PRKN: variants seen among roughly 807,000 people sequenced by gnomAD.
PRKN encodes the protein E3 ubiquitin-protein ligase parkin.
In PRKN, 56 loss-of-function variants were observed where a neutral mutation model predicts 59.5. That is an observed-to-expected ratio of 0.94 (90% CI 0.76 to 1.18). PRKN has a LOEUF of 1.18. Among genes scored for constraint, PRKN ranks in the 50% most tolerant of loss-of-function variants. The probability of loss-of-function intolerance (pLI) is 0.00; values close to 1 mark genes in which losing one functional copy is unlikely to be tolerated. For missense variants in PRKN, 657 were observed against 596.4 expected (o/e 1.10, Z -1.06); for synonymous variants, 250 against 222.1 (o/e 1.13, Z -1.12).
intron 2 of PRKN, among the ~76,000 whole-genome samples, chr6:162,414,423 A>G (rs910563234): frequency 1.3e-5 from 2 of 151,884 alleles, no homozygotes. Context: ...AAAGTAGTGA[A>G]TCTGCCGGGC....
intron 2 of PRKN, among the ~76,000 whole-genome samples, chr6:162,309,918 T>C (rs1163762246): frequency 6.6e-6 from 1 of 152,156 alleles, no homozygotes; most frequent in Non-Finnish European, 1.5e-5. Context: ...TGTATTCATG[T>C]GTTCTCATGA....
chr6:162,683,946 CTTTA>C (rs1207856906), intron 1 of PRKN, among the ~76,000 whole-genome samples: 1 of 152,022 alleles, frequency 6.6e-6, no homozygotes, highest in Non-Finnish European at 1.5e-5. Context: ...GTACACCTTT[CTTTA>C]TTTGAGAAAG....
chr6:162,599,458 T>C (rs78556811), intron 1 of PRKN, among the ~76,000 whole-genome samples: 4,123 of 151,962 alleles, frequency 0.027, 194 homozygotes, highest in African/African-American at 0.096. Flanking sequence ...GGGGTTCAAA[T>C]TGACATACTT....
chr6:162,314,484 G>T (rs1027692891), intron 2 of PRKN, among the ~76,000 whole-genome samples: 7 of 152,018 alleles, frequency 4.6e-5, no homozygotes, highest in Non-Finnish European at 8.8e-5. Context: ...TTAAACAGAT[G>T]CCTTAACATT....
intron 4 of PRKN, among the ~76,000 whole-genome samples, chr6:162,099,711 T>C (rs921611896): frequency 6.6e-6 from 1 of 152,248 alleles, no homozygotes; most frequent in Admixed American, 6.5e-5. Flanking sequence ...TATGTATGTG[T>C]TGTGGAACAG....
intron 1 of PRKN, among the ~76,000 whole-genome samples, chr6:162,473,924 T>C (rs1004676082): frequency 8.5e-5 from 13 of 152,198 alleles, no homozygotes; most frequent in African/African-American, 2.9e-4. Context: ...AGGTTAGCCT[T>C]TCTTTTACAA....
intron 1 of PRKN, among the ~76,000 whole-genome samples, chr6:162,549,805 A>G (rs903738555): frequency 6.6e-6 from 1 of 152,038 alleles, no homozygotes; most frequent in African/African-American, 2.4e-5. Flanking sequence ...TGCCTGGCTA[A>G]TTTTTGTACT....
At chr6:162,691,257 C>T (rs575408144) in intron 1 of PRKN, among the ~76,000 whole-genome samples, 13 of 152,004 alleles carry the variant, frequency 8.6e-5, no homozygotes, top group African/African-American at 2.7e-4. Context: ...AAAGTAAACA[C>T]ATTTTTTCAA....
chr6:161,524,191 C>A (rs377493061), intron 9 of PRKN, among the ~76,000 whole-genome samples: 1 of 152,234 alleles, frequency 6.6e-6, no homozygotes, highest in East Asian at 1.9e-4. Flanking sequence ...AGATCGTGGA[C>A]TCCCTGAGCA....
intron 7 of PRKN, among the ~76,000 whole-genome samples, chr6:161,775,904 T>C (rs573850265): frequency 6.6e-5 from 10 of 151,966 alleles, no homozygotes; most frequent in Admixed American, 1.3e-4. Flanking sequence ...GCTGAGATAA[T>C]AGATGGAAAG....
chr6:161,399,434 G>A lies in PRKN; in HGVS notation c.1084-12557C>T, dbSNP rs1331325166. On this transcript the variant is annotated intron_variant, in intron 9 of 11. Coordinates refer to ENST00000366898, the MANE Select transcript of PRKN (RefSeq NM_004562.3). This position sits in a 1 kb window ranked among gnomAD's most constrained non-coding sequence, Gnocchi z 4.4. ...GTAACACACAGCTAACTGGGCTTTG[G>A]GAGTCACAGGCACCCATCCCTAGAC... 6.6e-6 allele frequency among the ~76,000 whole-genome samples: 1 copy of A among 152,198 alleles called. No homozygotes were observed. The highest frequency in any genetic ancestry group is 1.5e-5 in the Non-Finnish European group (1 of 68,034).
intron 3 of PRKN, among the ~76,000 whole-genome samples, chr6:162,240,706 G>T (rs1778949277): frequency 6.6e-6 from 1 of 152,174 alleles, no homozygotes; most frequent in Admixed American, 6.5e-5. Flanking sequence ...CTGTATAATT[G>T]CGTCCAAATC....
intron 3 of PRKN, among the ~76,000 whole-genome samples, chr6:162,244,174 C>T (rs1779107235): frequency 6.6e-6 from 1 of 152,098 alleles, no homozygotes; most frequent in African/African-American, 2.4e-5. Context: ...CGAATATTAA[C>T]ATTCTACAAC....
At chr6:161,506,133 C>T (rs545955853) in intron 9 of PRKN, among the ~76,000 whole-genome samples, 1,536 of 150,536 alleles carry the variant, frequency 0.01, 22 homozygotes, top group African/African-American at 0.036. Context: ...GCCATTTTCA[C>T]GATATTGATT....
chr6:161,830,543 C>A (rs1792454860), intron 6 of PRKN, among the ~76,000 whole-genome samples: 1 of 152,186 alleles, frequency 6.6e-6, no homozygotes, highest in Non-Finnish European at 1.5e-5. Flanking sequence ...TGAGCCCCCG[C>A]ACCCGGCCCG....
chr6:162,219,047 G>T (rs1359063407), intron 3 of PRKN, among the ~76,000 whole-genome samples: 1 of 151,958 alleles, frequency 6.6e-6, no homozygotes, highest in Non-Finnish European at 1.5e-5. Context: ...TAAATTAGCT[G>T]GTCATGGTGG....
chr6:161,934,828 C>G (rs1402582207), intron 6 of PRKN, among the ~76,000 whole-genome samples: 1 of 152,038 alleles, frequency 6.6e-6, no homozygotes, highest in African/African-American at 2.4e-5. Context: ...CATTGAACCC[C>G]AAATTTAGAT....
At chr6:161,769,331 G>A (rs994321193) in intron 7 of PRKN, among the ~76,000 whole-genome samples, 1 of 152,090 alleles carries the variant, frequency 6.6e-6, no homozygotes, top group Non-Finnish European at 1.5e-5. Flanking sequence ...TATGACCTCT[G>A]AGTTCAGAAT....
chr6:161,861,669 C>G (rs1181765667), intron 6 of PRKN, among the ~76,000 whole-genome samples: 3 of 151,280 alleles, frequency 2.0e-5, no homozygotes, highest in African/African-American at 4.9e-5. Flanking sequence ...TTTTCTTCTC[C>G]CTCATATGCA....
Sources: allele counts gnomAD v4.1 joint callset (sites outside exome capture counted in the v4.1 genomes callset), GRCh38; gene constraint gnomAD v4.1.1; non-coding constraint Gnocchi (gnomAD v3.1); transcripts MANE v1.5; gene names NCBI Gene and HGNC (gene_info 2026-07-23, HGNC 2026-07-21).